The following PNPT1 variants were observed in gnomAD, a reference collection of about 807,000 sequenced individuals.
PNPT1 encodes polyribonucleotide nucleotidyltransferase 1, mitochondrial.
Under a neutral mutation model 119.5 loss-of-function variants are expected in PNPT1, and 53 were observed. The observed-to-expected ratio is 0.44, with a 90% confidence interval of 0.36 to 0.56. The LOEUF (loss-of-function observed/expected upper bound fraction) is 0.56, where lower values mean the gene tolerates loss of function less well. PNPT1 is among the 20% of genes least tolerant of loss of function. PNPT1 has a pLI of 0.00. For synonymous variants in PNPT1, 357 were observed against 322.1 expected, an observed-to-expected ratio of 1.11 and a Z score of -1.16; for missense variants, 948 against 938.5, an observed-to-expected ratio of 1.01 and a Z score of -0.13.
At chr2:55,668,966 A>G (rs1465974300) in intron 11 of PNPT1, among the ~76,000 whole-genome samples, 3 of 152,236 alleles carry the variant, frequency 2.0e-5, no homozygotes, top group Admixed American at 6.5e-5. Flanking sequence ...CAAATTGGGG[A>G]AAAATTTTAA....
intron 1 of PNPT1, among the ~76,000 whole-genome samples, chr2:55,692,718 C>T (rs532883481): frequency 6.6e-6 from 1 of 152,266 alleles, no homozygotes; most frequent in African/African-American, 2.4e-5. Flanking sequence ...TTGCGAGGAT[C>T]ATATAACTGG....
intron 27 of PNPT1, among the ~76,000 whole-genome samples, chr2:55,637,293 A>G (rs561926504): frequency 1.3e-5 from 2 of 152,338 alleles, no homozygotes; most frequent in Non-Finnish European, 2.9e-5. Context: ...CTGCATAGCT[A>G]ACACTAACAT....
chr2:55,654,526 G>A (rs1236107673), intron 18 of PNPT1, among the ~76,000 whole-genome samples: 3 of 152,084 alleles, frequency 2.0e-5, no homozygotes, highest in Admixed American at 6.6e-5. Context: ...AAAGTTTACT[G>A]GGTCACCAAT....
chr2:55,669,795 C>G lies in PNPT1; in HGVS notation c.976+1524G>C, dbSNP rs1407195655. 1.2e-4 allele frequency among the ~76,000 whole-genome samples: 17 copies of G among 145,586 alleles called. No individual in the cohort carries two copies. The Admixed American group carries it at 1.2e-3, about 10-fold the overall frequency. On this transcript the variant is annotated intron_variant, in intron 11 of 27. Coordinates refer to ENST00000447944, the MANE Select transcript of PNPT1 (RefSeq NM_033109.5). The stretch of plus-strand genomic sequence containing the variant: ...TTTTTTTTTGAGATGGAGTCTTGCT[C>G]TATTGCCCAGGCTGGAGTGCAGTGG...
In PNPT1 at chr2:55,649,874, C is replaced by G. The variant is rs560007290; in HGVS notation, c.1496-2421G>C. On this transcript the variant is annotated intron_variant, in intron 18 of 27. Transcript: ENST00000447944. ...ACCCTGCTGAAACTTAACTTTAGAA[C>G]AGAATAAACTTTTTCATGGTATACA... 7.9e-5 allele frequency among the ~76,000 whole-genome samples: 12 copies of G among 152,244 alleles called. 1 individual carries two copies. In the South Asian group the frequency reaches 2.3e-3, roughly 29 times the overall value.
chr2:55,665,923 G>C (rs1353722910), intron 13 of PNPT1, among the ~76,000 whole-genome samples: 1 of 152,080 alleles, frequency 6.6e-6, no homozygotes, highest in Non-Finnish European at 1.5e-5. Context: ...GAACCAGAAG[G>C]CTACCTGTTA....
intron 25 of PNPT1, among the ~76,000 whole-genome samples, chr2:55,641,564 G>A (rs941564752): frequency 6.6e-6 from 1 of 152,032 alleles, no homozygotes; most frequent in African/African-American, 2.4e-5. Flanking sequence ...AACCTGTAAG[G>A]TAAGGATTTA....
At chr2:55,652,711 A>C (rs1159829332) in intron 18 of PNPT1, among the ~76,000 whole-genome samples, 3 of 152,234 alleles carry the variant, frequency 2.0e-5, no homozygotes, top group Non-Finnish European at 4.4e-5. Context: ...CATAAACCGT[A>C]AAGCTGAATT....
chr2:55,646,606 A>T, intron 19 of PNPT1, 120 bp from the exon 20 acceptor site: 1 of 712,132 alleles, frequency 1.4e-6, no homozygotes. Flanking sequence ...TCCAAACACA[A>T]AGCAATGTTT....
chr2:55,682,182 C>T (rs1165514276), intron 5 of PNPT1, among the ~76,000 whole-genome samples: 1 of 151,826 alleles, frequency 6.6e-6, no homozygotes, highest in African/African-American at 2.4e-5. Flanking sequence ...TTTCTGTTGG[C>T]CAGGTGCAGT....
intron 5 of PNPT1, among the ~76,000 whole-genome samples, chr2:55,681,920 T>TTG (rs1326253696): frequency 6.7e-6 from 1 of 150,226 alleles, no homozygotes; most frequent in Non-Finnish European, 1.5e-5. Flanking sequence ...GGCGGGCAGA[T>TTG]CACGGGGTCA....
intron 22 of PNPT1, chr2:55,645,022 A>ATTT (rs528402444): frequency 4.4e-4 from 78 of 178,100 alleles, no homozygotes; most frequent in South Asian, 1.5e-3. Flanking sequence ...GATCACTAAA[A>ATTT]TTTTTTTTTT....
intron 8 of PNPT1, among the ~76,000 whole-genome samples, chr2:55,674,698 A>G (rs1047046474): frequency 1.3e-5 from 2 of 152,258 alleles, no homozygotes; most frequent in Non-Finnish European, 2.9e-5. Context: ...AGCAAAAGCA[A>G]AAATTGTAAC....
At chr2:55,678,615 C>T (rs374181469) in intron 8 of PNPT1, among the ~76,000 whole-genome samples, 26 of 152,330 alleles carry the variant, frequency 1.7e-4, no homozygotes, top group African/African-American at 6.3e-4. Flanking sequence ...GACGAGGCCA[C>T]ATCTTGAGGA....
intron 22 of PNPT1, 150 bp downstream of exon 22, chr2:55,645,199 A>C: frequency 2.2e-6 from 1 of 459,042 alleles, no homozygotes. Context: ...AATTTTTTGT[A>C]TTTTTTAGTA....
intron 8 of PNPT1, among the ~76,000 whole-genome samples, chr2:55,675,311 G>T (rs1697030489): frequency 6.6e-6 from 1 of 151,936 alleles, no homozygotes. Context: ...AAATATGGCT[G>T]GGCATGGGGC....
intron 8 of PNPT1, among the ~76,000 whole-genome samples, chr2:55,675,353 C>T (rs1572826226): frequency 6.6e-6 from 1 of 151,016 alleles, no homozygotes; most frequent in East Asian, 2.0e-4. Flanking sequence ...TATGGGAGGC[C>T]AGGACAGGAG....
intron 1 of PNPT1, among the ~76,000 whole-genome samples, chr2:55,690,533 G>A (rs1697563104): frequency 6.6e-6 from 1 of 152,166 alleles, no homozygotes; most frequent in African/African-American, 2.4e-5. Flanking sequence ...ATTTTCACCT[G>A]TTAAATACCT....
chr2:55,645,396 GT>G lies in PNPT1; in HGVS notation c.1774del (p.Thr592LeufsTer16). 2 of 1,612,326 alleles carry G rather than the reference GT, an allele frequency of 1.2e-6. No homozygotes were observed. The highest frequency in any genetic ancestry group is 1.7e-6 in the Non-Finnish European group (2 of 1,178,664). Reference sequence around the variant, plus strand: ...TCTAGATGCTCGAGGTTTTGAAATAGTTTTGTTCATGATCTGTAATATCTCC... The same window carrying G: ...TCTAGATGCTCGAGGTTTTGAAATAGTTTGTTCATGATCTGTAATATCTCC... ...KKEILQIMNK[T>X]ISKPRASRKE... is the part of the protein sequence containing the mutation. On this transcript the variant is annotated frameshift_variant, in exon 22 of 28. Transcript: ENST00000447944. LOFTEE classifies it high-confidence loss of function.
Sources: gnomAD v4.1 joint callset for allele counts (sites outside exome capture counted in the v4.1 genomes callset) on GRCh38, gnomAD v4.1.1 for gene constraint, MANE v1.5 for transcripts, NCBI Gene and HGNC (gene_info 2026-07-23, HGNC 2026-07-21) for gene names.